The following GPR161 variants were observed in gnomAD, a reference collection of about 807,000 sequenced individuals.
GPR161 encodes G protein-coupled receptor 161.
A neutral mutation model predicts 39.2 loss-of-function variants in GPR161; 25 were observed. The observed-to-expected ratio is 0.64, with a 90% confidence interval of 0.47 to 0.89. The LOEUF (loss-of-function observed/expected upper bound fraction) is 0.89, where lower values mean the gene tolerates loss of function less well. Among genes scored for constraint, GPR161 ranks in the 40% least tolerant of loss-of-function variants. The pLI, the probability that GPR161 is intolerant of heterozygous loss-of-function variation, is 0.00. For synonymous variants in GPR161, 286 were observed against 276.6 expected, an observed-to-expected ratio of 1.03 and a Z score of -0.34; for missense variants, 547 against 677.8, an observed-to-expected ratio of 0.81 and a Z score of 2.14.
intron 1 of GPR161, among the ~76,000 whole-genome samples, chr1:168,123,581 T>TACACACACACAC (rs1558135120): frequency 2.5e-5 from 3 of 120,006 alleles, no homozygotes; most frequent in African/African-American, 1.0e-4. Flanking sequence ...CACACACACT[T>TACACACACACAC]GTTTGCATGG....
chr1:168,097,920 T>C (rs1007267259), intron 2 of GPR161, among the ~76,000 whole-genome samples: 4 of 152,218 alleles, frequency 2.6e-5, no homozygotes, highest in Non-Finnish European at 5.9e-5. Context: ...CCAGGCGATC[T>C]GACTCTACAA....
chr1:168,131,777 G>A (rs1292932602), intron 1 of GPR161, among the ~76,000 whole-genome samples: 1 of 152,006 alleles, frequency 6.6e-6, no homozygotes, highest in African/African-American at 2.4e-5. Context: ...AGCAAAGTTG[G>A]GGAAGAAGAC....
chr1:168,101,095 G>A (rs972389558), intron 2 of GPR161, among the ~76,000 whole-genome samples: 2 of 148,056 alleles, frequency 1.4e-5, no homozygotes, highest in South Asian at 2.1e-4. Context: ...GGGTTCATCT[G>A]TCCAGCCAGT....
Position 168,080,448 on chromosome 1 carries a change from G to A in GPR161, c.*5083C>T, listed in dbSNP as rs566856720. ...TCTCCCAACCCACAAGGACAGTATG[G>A]CTCTGCTCCTTCTTATAGGCATATA... On this transcript the variant is annotated 3_prime_UTR_variant, in exon 6 of 6. Transcript: ENST00000682931. 1.3e-5 allele frequency: 2 copies of A among 152,284 alleles called. No individual in the cohort carries two copies. The highest frequency in any genetic ancestry group is 4.8e-5 in the African/African-American group (2 of 41,540). 9.4% of individuals were successfully genotyped at this position (152,284 alleles called of 1,614,324 possible). A position where few individuals can be genotyped will look rare whatever the true frequency, so the allele number is the denominator to read the frequency against.
chr1:168,136,028 C>T lies in GPR161; in HGVS notation c.-45+711G>A, dbSNP rs1184988172. 2.4e-6 allele frequency: 3 copies of T among 1,237,416 alleles called. No homozygotes were observed. The Admixed American group carries it at 1.3e-4, about 53-fold the overall frequency. 76.7% of individuals were successfully genotyped at this position (1,237,416 alleles called of 1,614,324 possible). On this transcript the variant is annotated intron_variant, in intron 1 of 5. Coordinates refer to ENST00000682931, the MANE Select transcript of GPR161 (RefSeq NM_001375883.1). ...CACTTACCCAACAGACGTTCTCATC[C>T]CATATGCCTTTGTCCAAAGGTTGCA...
intron 2 of GPR161, among the ~76,000 whole-genome samples, chr1:168,099,356 T>C (rs1695866116): frequency 7.9e-6 from 1 of 126,890 alleles, no homozygotes; most frequent in Non-Finnish European, 1.7e-5. Context: ...ATGCAGAGAT[T>C]TCTACTTTTT....
rs371919925 is a variant in GPR161, at chr1:168,097,041, G to A, written c.566C>T (p.Thr189Met). Reference sequence around the variant, plus strand: ...GGCACACCAGATCTGCCAGAAGGCCGTGTAGCCAGGCTCCCGGTGCCAAGC... The same window carrying A: ...GGCACACCAGATCTGCCAGAAGGCCATGTAGCCAGGCTCCCGGTGCCAAGC... Reference protein sequence around the residue: ...VAAWHREPGYTAFWQIWCALF... With the variant: ...VAAWHREPGYMAFWQIWCALF... Residue 189 changes from threonine to methionine, a missense_variant, in exon 3 of 6, where the codon ACG (threonine) becomes ATG (methionine). Coordinates refer to ENST00000682931, the MANE Select transcript of GPR161 (RefSeq NM_001375883.1). The A allele has an allele frequency of 4.6e-5, 74 of 1,614,006 alleles. No homozygotes were observed. Among genetic ancestry groups the A allele is most frequent in the Middle Eastern group, 1.6e-4 (1 of 6,084 alleles).
chr1:168,087,038 C>T (rs1022287419), intron 5 of GPR161, among the ~76,000 whole-genome samples: 5 of 152,140 alleles, frequency 3.3e-5, no homozygotes, highest in Admixed American at 2.0e-4. Context: ...GGATGGGAAA[C>T]GAATTCCAAG....
At chr1:168,096,376 C>T (rs1019999752) in intron 3 of GPR161, 132 bp downstream of exon 3, 9 of 928,950 alleles carry the variant, frequency 9.7e-6, no homozygotes, top group South Asian at 3.4e-5. Context: ...ATGTTTCTTC[C>T]GAAAGGAAAT....
chr1:168,124,327 G>C (rs963231419), intron 1 of GPR161, among the ~76,000 whole-genome samples: 1 of 152,170 alleles, frequency 6.6e-6, no homozygotes, highest in African/African-American at 2.4e-5. Flanking sequence ...CTAGATAGCT[G>C]AGTTTTCTGA....
Position 168,084,329 on chromosome 1 carries a change from T to C in GPR161, c.*1202A>G. On this transcript the variant is annotated 3_prime_UTR_variant, in exon 6 of 6. Transcript: ENST00000682931. ...GGTCCGTGGGTCTGCTTTTGTGTTT[T>C]ACCTATCTCTGCTTTACAAATCCTG... 1 of 190,504 alleles carries C rather than the reference T, an allele frequency of 5.2e-6. No individual in the cohort carries two copies. The highest frequency in any genetic ancestry group is 1.1e-5 in the Non-Finnish European group (1 of 91,054). 11.8% of individuals were successfully genotyped at this position (190,504 alleles called of 1,614,324 possible).
rs759173797 is a variant in GPR161 at position 168,085,632 on chromosome 1, C to T, written c.1489G>A (p.Gly497Ser). The T allele has an allele frequency of 1.2e-6, 2 of 1,614,118 alleles. No homozygotes were observed. Among genetic ancestry groups the T allele is most frequent in the East Asian group, 2.2e-5 (1 of 44,888 alleles). ...CTGCCTCGGCGGCCCCCGAAGCCGC[C>T]CCCCGGGACAGTCCGTGCTGTAACC... ...VLVTARTVPG[G>S]GFGGRRGSRT... The change falls in exon 6 of 6, where the codon GGC (glycine) becomes AGC (serine). Residue 497 changes from glycine (G) to serine (S), a missense_variant. Physicochemically the swap from Gly to Ser is moderately conservative, Grantham distance 56. Coordinates refer to ENST00000682931, the MANE Select transcript of GPR161 (RefSeq NM_001375883.1).
intron 1 of GPR161, among the ~76,000 whole-genome samples, chr1:168,121,789 C>CA (rs1698189054): frequency 6.6e-6 from 1 of 152,234 alleles, no homozygotes; most frequent in East Asian, 1.9e-4. Flanking sequence ...TCAACCACGT[C>CA]ATTCCCTCCG....
At chr1:168,116,501 G>A (rs1285386104) in intron 1 of GPR161, among the ~76,000 whole-genome samples, 3 of 152,246 alleles carry the variant, frequency 2.0e-5, no homozygotes, top group African/African-American at 7.2e-5. Context: ...TGGGAAGAAG[G>A]ATCTAATAAC....
In GPR161 at chr1:168,090,585, A is replaced by C; in HGVS notation, c.1183T>G (p.Phe395Val). 1 of 1,607,220 alleles carries C rather than the reference A, an allele frequency of 6.2e-7. No individual in the cohort carries two copies. The highest frequency in any genetic ancestry group is 1.1e-5 in the South Asian group (1 of 90,936). Residue 395 changes from phenylalanine to valine, a missense_variant, in exon 4 of 6, where the codon TTC becomes GTC. Physicochemically the swap from Phe to Val is conservative, Grantham distance 50. Transcript: ENST00000682931. The part of the protein sequence containing the change: ...GHSSSTGDTG[F>V]SCSQDSGTDM... ...TTACCTGAGTCCTGGGAGCAGCTGAAGCCAGTGTCCCCCGTGCTGCTGCTG... is the reference window on the plus strand; with the variant it reads ...TTACCTGAGTCCTGGGAGCAGCTGACGCCAGTGTCCCCCGTGCTGCTGCTG...
At chr1:168,119,204 A>ATACACGTATATATATATACGTG (rs1219373058) in intron 1 of GPR161, among the ~76,000 whole-genome samples, 4 of 108,478 alleles carry the variant, frequency 3.7e-5, no homozygotes, top group African/African-American at 1.7e-4. Context: ...TCATATATAT[A>ATACACGTATATATATATACGTG]TATATGTATA....
intron 3 of GPR161, among the ~76,000 whole-genome samples, chr1:168,095,360 G>A (rs778565551): frequency 2.6e-5 from 4 of 152,236 alleles, no homozygotes; most frequent in Admixed American, 6.5e-5. Flanking sequence ...CAGTGTTAAC[G>A]TTTTAGAGCT....
chr1:168,105,816 C>G (rs1227221857), intron 1 of GPR161, among the ~76,000 whole-genome samples: 1 of 152,178 alleles, frequency 6.6e-6, no homozygotes, highest in African/African-American at 2.4e-5. Context: ...CTTCAGTTAG[C>G]CAAAAAACCC....
intron 2 of GPR161, among the ~76,000 whole-genome samples, chr1:168,097,453 A>G (rs1164756280): frequency 6.6e-6 from 1 of 152,158 alleles, no homozygotes; most frequent in African/African-American, 2.4e-5. Flanking sequence ...CAGAGCTCGA[A>G]CAGTCCTGTT....
Sources: gnomAD v4.1 joint callset for allele counts (sites outside exome capture counted in the v4.1 genomes callset) on GRCh38, gnomAD v4.1.1 for gene constraint, MANE v1.5 for transcripts, NCBI Gene and HGNC (gene_info 2026-07-23, HGNC 2026-07-21) for gene names.